The following ABCA5 variants were observed in gnomAD, a reference collection of about 807,000 sequenced individuals.
The protein encoded by ABCA5 is ATP binding cassette subfamily A member 5, also known as cholesterol transporter ABCA5.
ABCA5 carries 163 observed loss-of-function variants against 206.0 expected under a neutral mutation model. The observed-to-expected ratio is 0.79, with a 90% CI of 0.70 to 0.90. The LOEUF (loss-of-function observed/expected upper bound fraction) is 0.90, where lower values mean the gene tolerates loss of function less well. Among genes scored for constraint, ABCA5 ranks in the 40% least tolerant of loss-of-function variants. The pLI is 0.00. For synonymous variants in ABCA5, 609 were observed against 613.8 expected (o/e 0.99, Z 0.11); for missense variants, 1,859 against 1,912.9 (o/e 0.97, Z 0.53).
At position 69,285,941 on chromosome 17, in the gene ABCA5, T is replaced by G; in HGVS notation, c.2229A>C (p.Gln743His). The stretch of plus-strand genomic sequence containing the variant: ...CCTTGAAAGGCAAGCTATACACAAG[T>G]TGTTGGTCATTCTGTTGTAATAAAG... ...GATLLQQNDQ[Q>H]LVYSLPFKDM... The change falls in exon 17 of 39, where the codon CAA (glutamine) becomes CAC (histidine). Residue 743 changes from glutamine to histidine, a missense_variant. Transcript: ENST00000392676. The G allele has an allele frequency of 1.2e-6, 2 of 1,613,292 alleles. No individual in the cohort carries two copies. Among genetic ancestry groups the G allele is most frequent in the Non-Finnish European group, 1.7e-6 (2 of 1,179,546 alleles).
chr17:69,256,640 G>C (rs1194992708), intron 28 of ABCA5, among the ~76,000 whole-genome samples: 1 of 151,614 alleles, frequency 6.6e-6, no homozygotes, highest in Non-Finnish European at 1.5e-5. Flanking sequence ...ATTTTTAGTA[G>C]AGACAGGGTT....
intron 31 of ABCA5, 139 bp from the exon 32 acceptor site, chr17:69,254,629 T>A: frequency 1.8e-6 from 1 of 541,306 alleles, no homozygotes; most frequent in Non-Finnish European, 3.1e-6. Context: ...TCATTATTAT[T>A]ATTATCACTA....
chr17:69,309,597 T>A (rs2075750865), intron 3 of ABCA5, among the ~76,000 whole-genome samples, 174 bp from the exon 4 acceptor site: 1 of 152,120 alleles, frequency 6.6e-6, no homozygotes, highest in Non-Finnish European at 1.5e-5. Flanking sequence ...AATCCCAACA[T>A]TTTGGAAGAC....
rs9891545 is a variant in ABCA5, at chr17:69,314,439, G to C, written c.-15-9C>G. ...ATGTTTTCTGAATAAACCTATTAAA[G>C]AGGAAAAACAAACAAACAAACCCGG... On this transcript the variant is annotated splice_polypyrimidine_tract_variant and intron_variant, in intron 1 of 38. Coordinates refer to ENST00000392676, the MANE Select transcript of ABCA5 (RefSeq NM_172232.4). 337 of 1,542,770 alleles carry C rather than the reference G, an allele frequency of 2.2e-4. No homozygotes were observed. Among genetic ancestry groups the C allele is most frequent in the African/African-American group, 1.9e-3 (139 of 72,900 alleles).
chr17:69,325,015 G>A (rs1567788762), intron 1 of ABCA5, among the ~76,000 whole-genome samples: 2 of 152,000 alleles, frequency 1.3e-5, no homozygotes, highest in South Asian at 2.1e-4. Flanking sequence ...TTTACTGTAA[G>A]GTGGTGCAAT....
At chr17:69,263,150 CAT>C (rs1360026511) in intron 24 of ABCA5, among the ~76,000 whole-genome samples, 4 of 151,998 alleles carry the variant, frequency 2.6e-5, no homozygotes, top group African/African-American at 9.7e-5. Flanking sequence ...TTGTTGGATG[CAT>C]AGTTTGTATT....
Position 69,284,086 on chromosome 17 carries a change from A to T in ABCA5, c.2273-14T>A. 1 of 1,531,870 alleles carries T rather than the reference A, an allele frequency of 6.5e-7. No individual in the cohort carries two copies. The allele number at this position is 1,531,870 out of a possible 1,614,324, so 94.9% of individuals were successfully genotyped here. ...CAGAAAACAAACCTAAAAGAAAAAA[A>T]TGAAAGAATAGTATATCTTTAAGCA... On this transcript the variant is annotated splice_polypyrimidine_tract_variant and intron_variant, in intron 17 of 38. Transcript: ENST00000392676.
At chr17:69,273,066 AG>A (rs1386512151) in intron 20 of ABCA5, among the ~76,000 whole-genome samples, 2 of 152,198 alleles carry the variant, frequency 1.3e-5, no homozygotes, top group Non-Finnish European at 2.9e-5. Context: ...ACACTATGTC[AG>A]TTTTTTGTTT....
At chr17:69,293,476 C>A (rs1052809190) in intron 11 of ABCA5, among the ~76,000 whole-genome samples, 1 of 152,024 alleles carries the variant, frequency 6.6e-6, no homozygotes, top group East Asian at 1.9e-4. Context: ...GGCTATGGTG[C>A]CGTTATTTGG....
At chr17:69,272,376 GA>G (rs2075282845) in intron 20 of ABCA5, among the ~76,000 whole-genome samples, 1 of 151,994 alleles carries the variant, frequency 6.6e-6, no homozygotes, top group Non-Finnish European at 1.5e-5. Context: ...CAAGGCTTAG[GA>G]AAATATGGCA....
chr17:69,247,672 G>T lies in ABCA5; in HGVS notation c.4822-28C>A, dbSNP rs1385639949. 2.9e-6 allele frequency: 4 copies of T among 1,374,472 alleles called. No individual in the cohort carries two copies. The Admixed American group carries it at 7.6e-5, about 26-fold the overall frequency. The allele number at this position is 1,374,472 out of a possible 1,614,324, so 85.1% of individuals were successfully genotyped here. A position where few individuals can be genotyped will look rare whatever the true frequency, so the allele number is the denominator to read the frequency against. On this transcript the variant is annotated intron_variant, in intron 38 of 38. Transcript: ENST00000392676. Reference sequence around the variant, plus strand: ...AGGTGAAAAGAAATAAATGAATACAGTATGCTGTATCTCAAGTACCTCAAA... The same window carrying T: ...AGGTGAAAAGAAATAAATGAATACATTATGCTGTATCTCAAGTACCTCAAA...
intron 22 of ABCA5, among the ~76,000 whole-genome samples, chr17:69,269,886 T>C (rs1361601882): frequency 2.0e-5 from 3 of 152,118 alleles, no homozygotes; most frequent in Admixed American, 2.0e-4. Flanking sequence ...AAACAGAAAG[T>C]ACATTAGTGG....
Position 69,290,021 on chromosome 17 carries a change from A to C in ABCA5, c.1623T>G (p.Tyr541Ter), listed in dbSNP as rs758071614. The change falls in exon 13 of 39, where the codon TAT becomes TAG. Residue 541 changes from tyrosine to a stop codon, truncating the protein, a stop_gained. Coordinates refer to ENST00000392676, the MANE Select transcript of ABCA5 (RefSeq NM_172232.4). LOFTEE classifies it high-confidence loss of function. The stretch of plus-strand genomic sequence containing the variant: ...CATCTATTTCTGAGACTCTGTGTCC[A>C]TATATAGATGCAAACCCTAAAAGCA... ...CPPSDGFASI[Y>*]GHRVSEIDEM... 1 of 1,593,412 alleles carries C rather than the reference A, an allele frequency of 6.3e-7. No individual in the cohort carries two copies.
chr17:69,304,217 G>A (rs1401623460), intron 7 of ABCA5: 1 of 152,064 alleles, frequency 6.6e-6, no homozygotes, highest in Non-Finnish European at 1.5e-5. Context: ...TAAAACAAAG[G>A]CTGGTCATTA....
At chr17:69,290,823 G>C (rs1406887933) in intron 12 of ABCA5, among the ~76,000 whole-genome samples, 1 of 151,968 alleles carries the variant, frequency 6.6e-6, no homozygotes, top group East Asian at 1.9e-4. Flanking sequence ...TTAGAAGATA[G>C]TATGAACATT....
Position 69,322,923 on chromosome 17 carries a change from G to A in ABCA5, c.-16+4129C>T, listed in dbSNP as rs142391688. 2.7e-3 allele frequency among the ~76,000 whole-genome samples: 405 copies of A among 152,188 alleles called. 4 individuals are homozygous for A. Among genetic ancestry groups the A allele is most frequent in the African/African-American group, 8.9e-3 (370 of 41,522 alleles). On this transcript the variant is annotated intron_variant, in intron 1 of 38. Transcript: ENST00000392676. ...GTTTAGAGCCATCCTGATAAGAAACGTGGTCACCTTCTTAGCATCCTTAAA... is the reference window on the plus strand; with the variant it reads ...GTTTAGAGCCATCCTGATAAGAAACATGGTCACCTTCTTAGCATCCTTAAA...
intron 24 of ABCA5, among the ~76,000 whole-genome samples, chr17:69,263,533 G>A (rs2075172780): frequency 6.6e-6 from 1 of 151,920 alleles, no homozygotes; most frequent in African/African-American, 2.4e-5. Flanking sequence ...AGATCAGATG[G>A]CTATAGATGT....
chr17:69,319,743 T>C (rs1362928706), intron 1 of ABCA5, among the ~76,000 whole-genome samples: 3 of 152,226 alleles, frequency 2.0e-5, no homozygotes, highest in Non-Finnish European at 2.9e-5. Flanking sequence ...GTATGTGAAA[T>C]GTCCTATTAT....
At position 69,260,381 on chromosome 17, in the gene ABCA5, T is replaced by C. The variant is rs766984449; in HGVS notation, c.3596A>G (p.Asp1199Gly). Residue 1199 changes from aspartate to glycine, a missense_variant, in exon 27 of 39, where the codon GAC becomes GGC. Physicochemically the swap from Asp to Gly is moderately conservative, Grantham distance 94. Coordinates refer to ENST00000392676, the MANE Select transcript of ABCA5 (RefSeq NM_172232.4). ...ISWKNVRKNV[D>G]TYNPWDRLSV... is the part of the protein sequence containing the mutation. ...AAGCCTATCCCATGGATTATAGGTG[T>C]CCACATTTTTTCGTACATTCTTCCA... 7.5e-6 allele frequency: 12 copies of C among 1,608,488 alleles called. No individual in the cohort carries two copies. The highest frequency in any genetic ancestry group is 1.3e-5 in the African/African-American group (1 of 74,672).
Sources: allele counts gnomAD v4.1 joint callset (sites outside exome capture counted in the v4.1 genomes callset), GRCh38; gene constraint gnomAD v4.1.1; transcripts MANE v1.5; gene names NCBI Gene and HGNC (gene_info 2026-07-23, HGNC 2026-07-21).